Variants in CLNK observed in about 807,000 individuals in gnomAD.
CLNK encodes cytokine dependent hematopoietic cell linker, also known as cytokine-dependent hematopoietic cell linker.
In CLNK, 74 loss-of-function variants were observed where a neutral mutation model predicts 68.6. That is an observed-to-expected ratio of 1.08 (90% CI 0.89 to 1.31). The LOEUF (loss-of-function observed/expected upper bound fraction) is 1.31. Among genes scored for constraint, CLNK ranks in the 50% most tolerant of loss-of-function variants. The probability of loss-of-function intolerance (pLI) is 0.00; values close to 1 mark genes in which losing one functional copy is unlikely to be tolerated. For synonymous variants in CLNK, 198 were observed against 172.2 expected (o/e 1.15, Z -1.17); for missense variants, 553 against 515.3 (o/e 1.07, Z -0.71).
intron 14 of CLNK, among the ~76,000 whole-genome samples, chr4:10,523,655 A>C (rs1718177806): frequency 6.6e-6 from 1 of 152,238 alleles, no homozygotes; most frequent in African/African-American, 2.4e-5. Context: ...ACTATTACAG[A>C]AATGAGGCCA....
intron 12 of CLNK, 140 bp from the exon 13 acceptor site, chr4:10,528,234 A>C: frequency 2.6e-6 from 1 of 388,576 alleles, no homozygotes. Context: ...TTTTAAAAAA[A>C]TCTACAAATA....
chr4:10,661,741 T>C (rs1299597946), intron 2 of CLNK, among the ~76,000 whole-genome samples: 2 of 152,192 alleles, frequency 1.3e-5, no homozygotes, highest in East Asian at 1.9e-4. Context: ...AAAATGTCAA[T>C]GATTAACATT....
the CLNK span, among the ~76,000 whole-genome samples, chr4:10,690,706 C>T: frequency 6.6e-6 from 1 of 152,130 alleles, no homozygotes; most frequent in Non-Finnish European, 1.5e-5. Context: ...GTGTTAGTAT[C>T]ATTATCGCTG....
At chr4:10,685,283 G>A (rs1725228062), upstream of CLNK, among the ~76,000 whole-genome samples, 1 of 152,044 alleles carries the variant, frequency 6.6e-6, no homozygotes, top group Admixed American at 6.6e-5. Flanking sequence ...AGTAGTTTGA[G>A]TGATAATAAT....
At chr4:10,681,675 G>A (rs1725094673) in intron 1 of CLNK, among the ~76,000 whole-genome samples, 1 of 152,138 alleles carries the variant, frequency 6.6e-6, no homozygotes, top group Admixed American at 6.6e-5. Flanking sequence ...TGGTGTATCT[G>A]GGAGTTCCTT....
At chr4:10,542,191 T>G in intron 9 of CLNK, 64 bp downstream of exon 9, 1 of 1,216,196 alleles carries the variant, frequency 8.2e-7, no homozygotes, top group Non-Finnish European at 1.2e-6. Flanking sequence ...TTTTGCATCA[T>G]CTATATCTCT....
intron 8 of CLNK, among the ~76,000 whole-genome samples, chr4:10,554,213 GAACACCCC>G (rs987319479): frequency 1.3e-5 from 2 of 152,096 alleles, no homozygotes; most frequent in Non-Finnish European, 2.9e-5. Context: ...TGATTCCAGT[GAACACCCC>G]AACATTACAA....
chr4:10,637,412 T>A (rs913734087), intron 2 of CLNK, among the ~76,000 whole-genome samples: 4 of 151,062 alleles, frequency 2.6e-5, no homozygotes, highest in African/African-American at 9.7e-5. Flanking sequence ...AAATAGACCT[T>A]TATGTGATAA....
In CLNK at chr4:10,542,290, A is replaced by G; in HGVS notation, c.446-10T>C. 1 of 1,525,246 alleles carries G rather than the reference A, an allele frequency of 6.6e-7. No homozygotes were observed. The highest frequency in any genetic ancestry group is 9.0e-7 in the Non-Finnish European group (1 of 1,114,752). 94.5% of individuals were successfully genotyped at this position (1,525,246 alleles called of 1,614,324 possible). A position where few individuals can be genotyped will look rare whatever the true frequency, so the allele number is the denominator to read the frequency against. On this transcript the variant is annotated splice_polypyrimidine_tract_variant and intron_variant, in intron 8 of 18. Transcript: ENST00000226951. ...CTTACGGATGCATCTCCTAAAACAT[A>G]AGAGGGAATAGCAGTGAATTTATGG...
the CLNK span, among the ~76,000 whole-genome samples, chr4:10,699,512 A>ATATATATATATATATT: frequency 6.1e-4 from 20 of 32,728 alleles, no homozygotes; most frequent in African/African-American, 2.2e-3. Context: ...ATATATATAT[A>ATATATATATATATATT]TTTTTTTTTT....
chr4:10,557,695 G>T (rs1231997686), intron 8 of CLNK, among the ~76,000 whole-genome samples: 1 of 152,014 alleles, frequency 6.6e-6, no homozygotes, highest in African/African-American at 2.4e-5. Context: ...TTCCCTCTTG[G>T]GACTCTAACT....
intron 18 of CLNK, among the ~76,000 whole-genome samples, chr4:10,498,901 G>A (rs1227406238): frequency 6.6e-6 from 1 of 152,160 alleles, no homozygotes; most frequent in Non-Finnish European, 1.5e-5. Context: ...AGCAAATGGT[G>A]GTGTGGGATA....
chr4:10,689,167 A>G (rs1725376083), upstream of CLNK, among the ~76,000 whole-genome samples: 1 of 149,360 alleles, frequency 6.7e-6, no homozygotes, highest in Non-Finnish European at 1.5e-5. Flanking sequence ...ACGAGGTCTT[A>G]CTCTGTCACC....
chr4:10,586,335 T>C (rs1392225128), intron 3 of CLNK, among the ~76,000 whole-genome samples: 1 of 105,616 alleles, frequency 9.5e-6, no homozygotes, highest in Non-Finnish European at 1.8e-5. Flanking sequence ...TCTTTTTTTT[T>C]CTTTTTTTTT....
At chr4:10,536,332 T>G (rs1323303203) in intron 11 of CLNK, among the ~76,000 whole-genome samples, 3 of 152,226 alleles carry the variant, frequency 2.0e-5, no homozygotes, top group African/African-American at 7.2e-5. Context: ...ATGTTCCTTC[T>G]GTTTTCAGAG....
chr4:10,552,350 C>G (rs1200411746), intron 8 of CLNK, among the ~76,000 whole-genome samples: 2 of 152,172 alleles, frequency 1.3e-5, no homozygotes, highest in African/African-American at 2.4e-5. Context: ...GGGACAAGAA[C>G]AGCCTGAGTC....
intron 2 of CLNK, among the ~76,000 whole-genome samples, chr4:10,662,872 A>G (rs1347705685): frequency 6.6e-6 from 1 of 152,244 alleles, no homozygotes; most frequent in Non-Finnish European, 1.5e-5. Context: ...AATTTCACCA[A>G]TGAACAAAAC....
At chr4:10,592,103 C>G (rs1721200385) in intron 3 of CLNK, among the ~76,000 whole-genome samples, 1 of 152,210 alleles carries the variant, frequency 6.6e-6, no homozygotes, top group South Asian at 2.1e-4. Flanking sequence ...GCACTTCTTA[C>G]TCGAATCATG....
At chr4:10,671,021 TGCAA>T (rs1312801675) in intron 1 of CLNK, among the ~76,000 whole-genome samples, 1 of 152,238 alleles carries the variant, frequency 6.6e-6, no homozygotes, top group African/African-American at 2.4e-5. Context: ...TTTTGAGAGA[TGCAA>T]GCACTTTATT....
Sources: gnomAD v4.1 joint callset for allele counts (sites outside exome capture counted in the v4.1 genomes callset) on GRCh38, gnomAD v4.1.1 for gene constraint, MANE v1.5 for transcripts, NCBI Gene and HGNC (gene_info 2026-07-23, HGNC 2026-07-21) for gene names.